GPATCH2: variants seen among roughly 807,000 people sequenced by gnomAD.
The protein encoded by GPATCH2 is G-patch domain containing 2, also known as G patch domain-containing protein 2.
GPATCH2 carries 51 observed loss-of-function variants against 58.0 expected under a neutral mutation model. The ratio of observed to expected loss-of-function variants is 0.88; its 90% CI spans 0.70 to 1.11. The LOEUF (loss-of-function observed/expected upper bound fraction) is 1.11, where lower values mean the gene tolerates loss of function less well. Among genes scored for constraint, GPATCH2 ranks in the 50% most tolerant of loss-of-function variants. GPATCH2 has a pLI of 0.00. For synonymous variants in GPATCH2, 222 were observed against 218.5 expected, an observed-to-expected ratio of 1.02 and a Z score of -0.14; for missense variants, 625 against 652.2, an observed-to-expected ratio of 0.96 and a Z score of 0.45.
chr1:217,630,094 T>C (rs908194308), intron 1 of GPATCH2, among the ~76,000 whole-genome samples: 56 of 152,106 alleles, frequency 3.7e-4, no homozygotes, highest in African/African-American at 1.3e-3. Flanking sequence ...TTATGTTATG[T>C]TTGGAGGAAA....
At chr1:217,591,871 G>T (rs1558508999) in intron 5 of GPATCH2, among the ~76,000 whole-genome samples, 3 of 151,892 alleles carry the variant, frequency 2.0e-5, no homozygotes, top group African/African-American at 4.8e-5. Context: ...AAAACAATCA[G>T]GAAGTACACA....
At chr1:217,448,583 T>C (rs916957901) in intron 9 of GPATCH2, among the ~76,000 whole-genome samples, 2 of 152,214 alleles carry the variant, frequency 1.3e-5, no homozygotes, top group Non-Finnish European at 2.9e-5. Flanking sequence ...AGGCGAGTCT[T>C]TGCCCTTTCA....
chr1:217,630,789 G>T, intron 1 of GPATCH2, 127 bp downstream of exon 1: 1 of 664,594 alleles, frequency 1.5e-6, no homozygotes, highest in Non-Finnish European at 2.6e-6. Context: ...ATGAGTGAGA[G>T]CAAGGCCTAG....
At chr1:217,614,785 A>T (rs536550253) in intron 2 of GPATCH2, among the ~76,000 whole-genome samples, 99 of 152,066 alleles carry the variant, frequency 6.5e-4, no homozygotes, top group Non-Finnish European at 8.5e-4. Flanking sequence ...AAAAAAAAAA[A>T]AAAAATAATA....
intron 5 of GPATCH2, among the ~76,000 whole-genome samples, chr1:217,547,349 CA>C (rs71303003): frequency 1.2e-4 from 17 of 144,344 alleles, no homozygotes; most frequent in South Asian, 2.2e-4. Flanking sequence ...GGTGACAGCG[CA>C]AAAAAAAAAA....
At chr1:217,432,371 A>G (rs1658582511) in intron 9 of GPATCH2, among the ~76,000 whole-genome samples, 1 of 152,188 alleles carries the variant, frequency 6.6e-6, no homozygotes, top group Non-Finnish European at 1.5e-5. Flanking sequence ...GAGCATAGAT[A>G]CTGTATATTT....
chr1:217,457,508 G>C (rs1013326127), intron 8 of GPATCH2, among the ~76,000 whole-genome samples: 1 of 152,078 alleles, frequency 6.6e-6, no homozygotes, highest in Non-Finnish European at 1.5e-5. Flanking sequence ...CAGATAAGGA[G>C]CCCAGGCACA....
At chr1:217,610,149 G>C in intron 5 of GPATCH2, 172 bp downstream of exon 5, 1 of 1,559,054 alleles carries the variant, frequency 6.4e-7, no homozygotes, top group Non-Finnish European at 8.7e-7. Context: ...ATTAGCATTA[G>C]AAGATTTGGT....
chr1:217,571,703 C>CAAAAAAAAAAAAAAAAAAAAAAAA (rs11463536), intron 5 of GPATCH2, among the ~76,000 whole-genome samples: 56 of 73,764 alleles, frequency 7.6e-4, no homozygotes, highest in East Asian at 3.6e-3. Context: ...AAAACGAAAC[C>CAAAAAAAAAAAAAAAAAAAAAAAA]AAAAAAAAAA....
chr1:217,470,847 C>A (rs565095215), intron 8 of GPATCH2, among the ~76,000 whole-genome samples: 154 of 152,070 alleles, frequency 1.0e-3, no homozygotes, highest in African/African-American at 3.6e-3. Flanking sequence ...TAATTAAATG[C>A]ATTCCAATTA....
intron 9 of GPATCH2, among the ~76,000 whole-genome samples, chr1:217,446,901 A>G (rs564293489): frequency 6.6e-6 from 1 of 152,324 alleles, no homozygotes; most frequent in African/African-American, 2.4e-5. Context: ...CTCAACCATT[A>G]TGCATTTTCC....
intron 9 of GPATCH2, among the ~76,000 whole-genome samples, chr1:217,432,714 G>A (rs1000977488): frequency 6.6e-6 from 1 of 151,984 alleles, no homozygotes; most frequent in African/African-American, 2.4e-5. Flanking sequence ...AGAAGAAAGT[G>A]AATAACAGAC....
chr1:217,610,465 G>A lies in GPATCH2; in HGVS notation c.1019-65C>T, dbSNP rs149981192. 913 of 927,536 alleles carry A rather than the reference G, an allele frequency of 9.8e-4. 5 individuals are homozygous for A. In the African/African-American group the frequency reaches 0.014, roughly 14 times the overall value. The allele number at this position is 927,536 out of a possible 1,614,324, so 57.5% of individuals were successfully genotyped here. ...TCACTGAAGCATAGAAGAAGAAGAG[G>A]ATCCTATCAATAGAGAAAGAAAAGT... is the stretch of plus-strand genomic sequence containing the variant. On this transcript the variant is annotated intron_variant, in intron 4 of 9. Transcript: ENST00000366935.
intron 6 of GPATCH2, among the ~76,000 whole-genome samples, chr1:217,514,140 AG>A (rs1663004030): frequency 1.4e-5 from 2 of 147,230 alleles, no homozygotes; most frequent in Non-Finnish European, 3.0e-5. Flanking sequence ...CCGCAAAAAA[AG>A]CAAAACAGTC....
intron 5 of GPATCH2, among the ~76,000 whole-genome samples, chr1:217,607,891 C>T (rs546219150): frequency 6.6e-6 from 1 of 152,094 alleles, no homozygotes; most frequent in Non-Finnish European, 1.5e-5. Context: ...GCTTAAGAAA[C>T]CTTTTGTTGG....
chr1:217,468,515 CCACACACACACA>C (rs10524566), intron 8 of GPATCH2, among the ~76,000 whole-genome samples: 1,489 of 142,666 alleles, frequency 0.01, 19 homozygotes, highest in Middle Eastern at 0.022. Context: ...GCACACACAA[CCACACACACACA>C]CACACACACA....
intron 9 of GPATCH2, among the ~76,000 whole-genome samples, chr1:217,435,561 G>A (rs1377791846): frequency 2.6e-5 from 4 of 152,288 alleles, no homozygotes; most frequent in Admixed American, 6.5e-5. Context: ...AGTGCACTCC[G>A]CCTCTGTCCC....
At chr1:217,550,297 G>C (rs184336005) in intron 5 of GPATCH2, among the ~76,000 whole-genome samples, 1 of 152,160 alleles carries the variant, frequency 6.6e-6, no homozygotes, top group Non-Finnish European at 1.5e-5. Context: ...CACATAGTAA[G>C]TGCCCAATAA....
chr1:217,435,836 C>T (rs1194701939), intron 9 of GPATCH2, among the ~76,000 whole-genome samples: 3 of 152,118 alleles, frequency 2.0e-5, no homozygotes, highest in South Asian at 2.1e-4. Flanking sequence ...TACTATTCTT[C>T]GTCTAATATT....
Sources: gnomAD v4.1 joint callset for allele counts (sites outside exome capture counted in the v4.1 genomes callset) on GRCh38, gnomAD v4.1.1 for gene constraint, MANE v1.5 for transcripts, NCBI Gene and HGNC (gene_info 2026-07-23, HGNC 2026-07-21) for gene names.